The following SALL3 variants were observed in gnomAD, a reference collection of about 807,000 sequenced individuals.
The protein encoded by SALL3 is spalt like transcription factor 3.
SALL3 carries 25 observed loss-of-function variants against 66.2 expected under a neutral mutation model. That is an observed-to-expected ratio of 0.38 (90% CI 0.28 to 0.53). SALL3 has a LOEUF of 0.53. Ranked by LOEUF, SALL3 falls within the 20% of genes least tolerant of loss-of-function variation. The pLI is 0.85. For synonymous variants in SALL3, 1,152 were observed against 899.1 expected, an observed-to-expected ratio of 1.28 and a Z score of -5.03; for missense variants, 2,194 against 1,916.5, an observed-to-expected ratio of 1.14 and a Z score of -2.70.
At position 78,994,630 on chromosome 18, in the gene SALL3, C is replaced by T. The variant is rs560991300; in HGVS notation, c.2639C>T (p.Ser880Leu). 6.2e-6 allele frequency: 10 copies of T among 1,608,862 alleles called. No homozygotes were observed. Among genetic ancestry groups the T allele is most frequent in the African/African-American group, 4.0e-5 (3 of 74,960 alleles). Residue 880 changes from serine (S) to leucine (L), a missense_variant, in exon 2 of 3, where the codon TCG (serine) becomes TTG (leucine). By Grantham distance (145) the Ser-to-Leu change is moderately radical. Transcript: ENST00000537592. ...GESDRLSNDS[S>L]SAVGDLESRS... ...AGTGACCGCCTGAGCAACGACTCCT[C>T]GTCGGCCGTGGGCGACCTGGAGAGC... is the stretch of plus-strand genomic sequence containing the variant.
Position 78,994,235 on chromosome 18 carries a change from C to T in SALL3, c.2244C>T (p.Phe748=). Residue 748 remains phenylalanine, a synonymous_variant, in exon 2 of 3, where the codon TTC becomes TTT. Coordinates refer to ENST00000537592, the MANE Select transcript of SALL3 (RefSeq NM_171999.4). ...QHSCPICQKK[F]TNAVVLQQHI... ...CCTGCCCCATCTGCCAGAAGAAGTT[C>T]ACCAACGCCGTGGTCCTGCAGCAGC... 2 of 1,613,748 alleles carry T rather than the reference C, an allele frequency of 1.2e-6. No homozygotes were observed. The highest frequency in any genetic ancestry group is 1.1e-5 in the South Asian group (1 of 91,080).
Position 78,997,628 on chromosome 18 carries a change from C to T in SALL3, c.*306C>T. ...TTCCTTTCTCCTGAAACCTAATAAT[C>T]TCTCCGAGGGAGAAAGGGGTTCTCT... On this transcript the variant is annotated 3_prime_UTR_variant, in exon 3 of 3. Coordinates refer to ENST00000537592, the MANE Select transcript of SALL3 (RefSeq NM_171999.4). 2.4e-6 allele frequency: 1 copy of T among 413,308 alleles called. No individual in the cohort carries two copies. The allele number at this position is 413,308 out of a possible 1,614,324, so 25.6% of individuals were successfully genotyped here. A position where few individuals can be genotyped will look rare whatever the true frequency, so the allele number is the denominator to read the frequency against.
At position 78,994,194 on chromosome 18, in the gene SALL3, C is replaced by G. The variant is rs1237779904; in HGVS notation, c.2203C>G (p.Leu735Val). Residue 735 changes from leucine to valine, a missense_variant, in exon 2 of 3, where the codon CTG (leucine) becomes GTG (valine). Transcript: ENST00000537592. ...CGGCGTGCACCGTGCAAAGCCGCCC[C>G]TGCGCGTGCAGCACTCCTGCCCCAT... ...HFGVHRAKPP[L>V]RVQHSCPICQ... The G allele has an allele frequency of 1.9e-6, 3 of 1,613,464 alleles. No individual in the cohort carries two copies. In the East Asian group the frequency reaches 6.7e-5, roughly 36 times the overall value.
chr18:78,996,866 T>G, intron 2 of SALL3, 25 bp from the exon 3 acceptor site: 2 of 1,581,364 alleles, frequency 1.3e-6, no homozygotes, highest in Non-Finnish European at 1.7e-6. Context: ...CACTTACTCG[T>G]GGGCTGTCTC....
Position 78,992,165 on chromosome 18 carries a change from C to A in SALL3, c.174C>A (p.Ala58=). The A allele has an allele frequency of 1.2e-6, 2 of 1,609,302 alleles. No individual in the cohort carries two copies. The highest frequency in any genetic ancestry group is 1.7e-4 in the Middle Eastern group (1 of 6,056). ...CCAGCGTGTGCGAGAAATGCTGCGC[C>A]GAGTTCTTCAAGTGGGCGGACTTCC... ...EETSVCEKCC[A]EFFKWADFLE... The change falls in exon 2 of 3, where the codon GCC becomes GCA. Residue 58 remains alanine, a synonymous_variant. Transcript: ENST00000537592.
In SALL3 at chr18:78,994,821, G is replaced by A. The variant is rs906293497; in HGVS notation, c.2830G>A (p.Ala944Thr). 9 of 1,594,934 alleles carry A rather than the reference G, an allele frequency of 5.6e-6. No homozygotes were observed. The highest frequency in any genetic ancestry group is 2.3e-5 in the East Asian group (1 of 44,098). The change falls in exon 2 of 3, where the codon GCC becomes ACC. Residue 944 changes from alanine to threonine, a missense_variant. Ala to Thr is a moderately conservative substitution (Grantham distance 58, BLOSUM62 0). Coordinates refer to ENST00000537592, the MANE Select transcript of SALL3 (RefSeq NM_171999.4). ...CGAGAGGCCGGACAGCCCAGCCGCCGCCCCGGGCAGCGGAGGCGCCCCTGG... is the reference window on the plus strand; with the variant it reads ...CGAGAGGCCGGACAGCCCAGCCGCCACCCCGGGCAGCGGAGGCGCCCCTGG... ...KTERPDSPAA[A>T]PGSGGAPGRA...
chr18:78,986,799 G>A (rs553328566), intron 1 of SALL3, among the ~76,000 whole-genome samples: 14 of 152,336 alleles, frequency 9.2e-5, no homozygotes, highest in African/African-American at 3.4e-4. Flanking sequence ...TGCAGCAAAA[G>A]TGTATTGAAG....
intron 1 of SALL3, among the ~76,000 whole-genome samples, chr18:78,990,864 C>T (rs529663160): frequency 6.6e-6 from 1 of 152,222 alleles, no homozygotes; most frequent in South Asian, 2.1e-4. Flanking sequence ...ACCCCAACCA[C>T]CCAAAAAATG....
At chr18:78,981,180 G>C (rs1160083110) in intron 1 of SALL3, among the ~76,000 whole-genome samples, 1 of 152,224 alleles carries the variant, frequency 6.6e-6, no homozygotes, top group East Asian at 1.9e-4. Flanking sequence ...ACTGGCAAAG[G>C]GCTGGACTTC....
At chr18:78,983,306 T>A (rs1233377768) in intron 1 of SALL3, among the ~76,000 whole-genome samples, 1 of 152,196 alleles carries the variant, frequency 6.6e-6, no homozygotes, top group African/African-American at 2.4e-5. Flanking sequence ...CTAAGAAAAA[T>A]TAATTAAAAC....
At chr18:78,986,035 G>A (rs1428812989) in intron 1 of SALL3, among the ~76,000 whole-genome samples, 2 of 152,202 alleles carry the variant, frequency 1.3e-5, no homozygotes, top group East Asian at 3.8e-4. Context: ...CCTTATAAGT[G>A]TGATGACAGC....
At position 78,993,674 on chromosome 18, in the gene SALL3, C is replaced by A; in HGVS notation, c.1683C>A (p.Ser561Arg). Residue 561 changes from serine to arginine, a missense_variant, in exon 2 of 3, where the codon AGC becomes AGA. Physicochemically the swap from Ser to Arg is moderately radical, Grantham distance 110. Transcript: ENST00000537592. ...CGCAGAGGCCCTCGCCCGCCTCCAG[C>A]GAGTGCGCCTCCTTGTCCCCAGGCC... ...RSPQRPSPAS[S>R]ECASLSPGLN... 2 of 1,587,188 alleles carry A rather than the reference C, an allele frequency of 1.3e-6. No individual in the cohort carries two copies. The highest frequency in any genetic ancestry group is 8.5e-7 in the Non-Finnish European group (1 of 1,173,880).
At chr18:78,982,497 T>G (rs1914106229) in intron 1 of SALL3, among the ~76,000 whole-genome samples, 1 of 152,216 alleles carries the variant, frequency 6.6e-6, no homozygotes, top group Non-Finnish European at 1.5e-5. Flanking sequence ...TTTTAAGTTC[T>G]TTCTCATTTA....
rs142119494 is a variant in SALL3 at position 78,994,962 on chromosome 18, G to A, written c.2971G>A (p.Ala991Thr). 7 of 1,613,770 alleles carry A rather than the reference G, an allele frequency of 4.3e-6. No individual in the cohort carries two copies. Among genetic ancestry groups the A allele is most frequent in the East Asian group, 2.2e-5 (1 of 44,868 alleles). The change falls in exon 2 of 3, where the codon GCG becomes ACG. Residue 991 changes from alanine to threonine, a missense_variant. Physicochemically the swap from Ala to Thr is moderately conservative, Grantham distance 58. Coordinates refer to ENST00000537592, the MANE Select transcript of SALL3 (RefSeq NM_171999.4). ...VCGKPFACKS[A>T]LEIHYRSHTK... ...TGGCAAGCCTTTTGCTTGCAAGAGCGCGTTGGAAATCCACTACCGCAGCCA... is the reference window on the plus strand; with the variant it reads ...TGGCAAGCCTTTTGCTTGCAAGAGCACGTTGGAAATCCACTACCGCAGCCA...
chr18:78,995,488 C>T (rs761737112), intron 2 of SALL3, 26 bp downstream of exon 2: 8 of 1,507,364 alleles, frequency 5.3e-6, no homozygotes, highest in Admixed American at 2.1e-5. Context: ...GCTCCAGCCC[C>T]GGCTGCGGTG....
rs776342109 is a variant in SALL3, at chr18:78,994,400, C to A, written c.2409C>A (p.Asn803Lys). Residue 803 changes from asparagine to lysine, a missense_variant, in exon 2 of 3, where the codon AAC (asparagine) becomes AAA (lysine). Transcript: ENST00000537592. ...LSSYDDDMDE[N>K]SMEDDAELKD... The stretch of plus-strand genomic sequence containing the variant: ...GCTACGATGACGACATGGACGAGAA[C>A]TCCATGGAGGACGACGCTGAGCTGA... 4.3e-6 allele frequency: 7 copies of A among 1,613,022 alleles called. No individual in the cohort carries two copies. The highest frequency in any genetic ancestry group is 1.3e-5 in the African/African-American group (1 of 74,936).
rs751801501 is a variant in SALL3, at chr18:78,993,181, G to T, written c.1190G>T (p.Arg397Leu). The T allele has an allele frequency of 1.2e-6, 2 of 1,609,844 alleles. No homozygotes were observed. Among genetic ancestry groups the T allele is most frequent in the Non-Finnish European group, 1.7e-6 (2 of 1,179,024 alleles). ...LDPLSALMKH[R>L]KGKPPNVSVF... ...CCGCTGTCCGCGCTCATGAAGCACC[G>T]CAAGGGCAAGCCGCCCAATGTGTCG... The change falls in exon 2 of 3, where the codon CGC (arginine) becomes CTC (leucine). Residue 397 changes from arginine to leucine, a missense_variant. By Grantham distance (102) the Arg-to-Leu change is moderately radical. Coordinates refer to ENST00000537592, the MANE Select transcript of SALL3 (RefSeq NM_171999.4).
rs375408393 is a variant in SALL3 at position 78,992,208 on chromosome 18, T to G, written c.217T>G (p.Cys73Gly). 1.3e-5 allele frequency: 21 copies of G among 1,609,754 alleles called. No homozygotes were observed. Among genetic ancestry groups the G allele is most frequent in the Non-Finnish European group, 1.8e-5 (21 of 1,179,116 alleles). ...WADFLEHQRS[C>G]TKLPPVLIVH... is the part of the protein sequence containing the mutation. ...GGACTTCCTGGAGCACCAGCGGAGC[T>G]GCACCAAGCTCCCGCCCGTGCTGAT... The change falls in exon 2 of 3, where the codon TGC (cysteine) becomes GGC (glycine). Residue 73 changes from cysteine (C) to glycine (G), a missense_variant. Physicochemically the swap from Cys to Gly is radical, Grantham distance 159. Coordinates refer to ENST00000537592, the MANE Select transcript of SALL3 (RefSeq NM_171999.4).
intron 1 of SALL3, 60 bp downstream of exon 1, chr18:78,980,416 A>G: frequency 1.8e-6 from 2 of 1,083,558 alleles, no homozygotes; most frequent in East Asian, 3.8e-5. Flanking sequence ...GGGCTGGGGA[A>G]GCGCGTGCGG....
Sources: gnomAD v4.1 joint callset for allele counts (sites outside exome capture counted in the v4.1 genomes callset) on GRCh38, gnomAD v4.1.1 for gene constraint, MANE v1.5 for transcripts, NCBI Gene and HGNC (gene_info 2026-07-23, HGNC 2026-07-21) for gene names.